KIAA1328: variants seen among roughly 807,000 people sequenced by gnomAD.
KIAA1328 encodes the protein protein hinderin.
Under a neutral mutation model 68.1 loss-of-function variants are expected in KIAA1328, and 52 were observed. The observed-to-expected ratio is 0.76, with a 90% CI of 0.61 to 0.96. The LOEUF (loss-of-function observed/expected upper bound fraction) is 0.96, where lower values mean the gene tolerates loss of function less well. KIAA1328 is among the 40% of genes least tolerant of loss of function. The pLI, the probability that KIAA1328 is intolerant of heterozygous loss-of-function variation, is 0.00. For synonymous variants in KIAA1328, 232 were observed against 239.4 expected (o/e 0.97, Z 0.28); for missense variants, 641 against 677.6 (o/e 0.95, Z 0.60).
chr18:36,838,231 T>C (rs867047386), intron 3 of KIAA1328, among the ~76,000 whole-genome samples: 53 of 152,338 alleles, frequency 3.5e-4, no homozygotes, highest in African/African-American at 1.2e-3. Flanking sequence ...ATTTTCTCTA[T>C]ATAAGATGAA....
intron 7 of KIAA1328, among the ~76,000 whole-genome samples, chr18:37,091,627 A>G (rs899800550): frequency 6.6e-6 from 1 of 152,102 alleles, no homozygotes. Flanking sequence ...CTGCCATTTT[A>G]GGAGATCAGC....
intron 6 of KIAA1328, among the ~76,000 whole-genome samples, chr18:36,975,756 C>T (rs1419893405): frequency 2.0e-5 from 3 of 152,190 alleles, no homozygotes; most frequent in East Asian, 3.9e-4. Context: ...ATCATTTCTT[C>T]CCTTAATTGT....
intron 5 of KIAA1328, among the ~76,000 whole-genome samples, chr18:36,921,728 T>G (rs926081157): frequency 6.6e-6 from 1 of 152,138 alleles, no homozygotes; most frequent in South Asian, 2.1e-4. Context: ...TTAACAGACA[T>G]CCAACTTACA....
At chr18:36,839,627 G>T (rs1457964891) in intron 3 of KIAA1328, among the ~76,000 whole-genome samples, 1 of 152,084 alleles carries the variant, frequency 6.6e-6, no homozygotes, top group Non-Finnish European at 1.5e-5. Context: ...TTTATTGGAT[G>T]TCACAAGACA....
intron 7 of KIAA1328, among the ~76,000 whole-genome samples, chr18:37,080,202 C>A (rs2056902861): frequency 6.6e-6 from 1 of 152,098 alleles, no homozygotes; most frequent in African/African-American, 2.4e-5. Flanking sequence ...CTTTCCAGAA[C>A]CCAGATCTCT....
At chr18:37,086,504 T>G (rs187166393) in intron 7 of KIAA1328, among the ~76,000 whole-genome samples, 5 of 152,296 alleles carry the variant, frequency 3.3e-5, no homozygotes, top group South Asian at 4.1e-4. Context: ...TTTCTCTTTT[T>G]TATCTTATAT....
intron 9 of KIAA1328, among the ~76,000 whole-genome samples, chr18:37,180,678 C>G (rs2059682850): frequency 6.6e-6 from 1 of 150,886 alleles, no homozygotes; most frequent in Non-Finnish European, 1.5e-5. Context: ...TATACATTTA[C>G]CTAAATATTT....
intron 7 of KIAA1328, among the ~76,000 whole-genome samples, chr18:37,082,898 ACCTTTGTCTCCCACTCTAACAATATG>A (rs2056994152): frequency 6.6e-6 from 1 of 152,176 alleles, no homozygotes; most frequent in African/African-American, 2.4e-5. Context: ...ATAAATATTT[ACCTTTGTCTCCCACTCTAACAATATG>A]CCTTAATACA....
intron 3 of KIAA1328, 126 bp downstream of exon 3, chr18:36,835,502 A>T: frequency 1.1e-6 from 1 of 946,120 alleles, no homozygotes; most frequent in Non-Finnish European, 1.6e-6. Context: ...GATACAGAGG[A>T]TTCCAGGATC....
At chr18:37,130,941 A>G (rs1355309341) in intron 7 of KIAA1328, among the ~76,000 whole-genome samples, 1 of 152,092 alleles carries the variant, frequency 6.6e-6, no homozygotes, top group African/African-American at 2.4e-5. Flanking sequence ...ATTTGTCATA[A>G]CCCCAGTATC....
intron 5 of KIAA1328, among the ~76,000 whole-genome samples, 194 bp from the exon 6 acceptor site, chr18:36,959,114 C>G (rs1302658553): frequency 6.6e-6 from 1 of 151,948 alleles, no homozygotes; most frequent in Non-Finnish European, 1.5e-5. Context: ...TTGTTACTCT[C>G]TTTGTGAAGT....
chr18:37,208,028 C>T (rs947928406), intron 9 of KIAA1328, among the ~76,000 whole-genome samples: 5 of 152,202 alleles, frequency 3.3e-5, no homozygotes, highest in East Asian at 1.9e-4. Flanking sequence ...AGGCTGGTCT[C>T]GAACTGCCGA....
At chr18:37,211,659 T>C (rs1297277187) in intron 9 of KIAA1328, among the ~76,000 whole-genome samples, 1 of 152,226 alleles carries the variant, frequency 6.6e-6, no homozygotes, top group Non-Finnish European at 1.5e-5. Flanking sequence ...TAATTTGCTA[T>C]TGTATAACTT....
At chr18:37,171,362 C>T (rs2059495746) in intron 8 of KIAA1328, among the ~76,000 whole-genome samples, 1 of 152,140 alleles carries the variant, frequency 6.6e-6, no homozygotes, top group African/African-American at 2.4e-5. Context: ...GGACTGCAGG[C>T]ACATGCCACC....
chr18:37,096,428 T>G (rs1334364357), intron 7 of KIAA1328, among the ~76,000 whole-genome samples: 1 of 152,218 alleles, frequency 6.6e-6, no homozygotes, highest in Non-Finnish European at 1.5e-5. Context: ...TATGGCTGCA[T>G]AGTATTCCAT....
intron 4 of KIAA1328, among the ~76,000 whole-genome samples, chr18:36,854,718 A>G (rs2047327245): frequency 6.6e-6 from 1 of 152,160 alleles, no homozygotes; most frequent in African/African-American, 2.4e-5. Context: ...AGGCAGTGGC[A>G]TTTAGTATAT....
Position 37,020,812 on chromosome 18 carries a change from C to T in KIAA1328, c.577-46078C>T, listed in dbSNP as rs185230236. 1.8e-4 allele frequency among the ~76,000 whole-genome samples: 28 copies of T among 152,270 alleles called. No individual in the cohort carries two copies. The East Asian group carries it at 3.9e-3, about 21-fold the overall frequency. ...ATGTCCATGTTCCTGTTTGCACATA[C>T]GCACGTAGGAATGACTGAGTTGGCT... On this transcript the variant is annotated intron_variant, in intron 6 of 9. Transcript: ENST00000280020.
rs565185115 is a variant in KIAA1328 at position 36,882,270 on chromosome 18, A to C, written c.333-3287A>C. On this transcript the variant is annotated intron_variant, in intron 4 of 9. Transcript: ENST00000280020. ...TATTGTGCTTTAAAATGAGATACAG[A>C]ATTAGGTCTTTTTATTTTACTTTGT... Among the ~76,000 whole-genome samples, 6 of 152,330 alleles carry C rather than the reference A, an allele frequency of 3.9e-5. No homozygotes were observed. In the East Asian group the frequency reaches 1.2e-3, roughly 29 times the overall value.
At chr18:37,100,177 G>A (rs752270258) in intron 7 of KIAA1328, among the ~76,000 whole-genome samples, 9 of 152,198 alleles carry the variant, frequency 5.9e-5, no homozygotes, top group Non-Finnish European at 1.0e-4. Context: ...GTGGGCGCAG[G>A]GCTGTGGGTG....
Sources: allele counts gnomAD v4.1 joint callset (sites outside exome capture counted in the v4.1 genomes callset), GRCh38; gene constraint gnomAD v4.1.1; transcripts MANE v1.5; gene names NCBI Gene and HGNC (gene_info 2026-07-23, HGNC 2026-07-21).